DPRX: variants seen among roughly 807,000 people sequenced by gnomAD.
DPRX encodes divergent-paired related homeobox, also known as divergent paired-related homeobox.
DPRX carries 11 observed loss-of-function variants against 8.4 expected under a neutral mutation model. The ratio of observed to expected loss-of-function variants is 1.31; its 90% CI spans 0.82 to 2.17. The LOEUF (loss-of-function observed/expected upper bound fraction) is 2.17. Ranked by LOEUF, DPRX falls within the 30% of genes most tolerant of loss-of-function variation. The pLI is 0.00. For missense variants in DPRX, 211 were observed against 236.7 expected, an observed-to-expected ratio of 0.89 and a Z score of 0.71; for synonymous variants, 72 against 87.0, an observed-to-expected ratio of 0.83 and a Z score of 0.96.
chr19:53,616,558 C>G, the DPRX span, among the ~76,000 whole-genome samples: 1 of 152,110 alleles, frequency 6.6e-6, no homozygotes, highest in Non-Finnish European at 1.5e-5. Flanking sequence ...AGTTCGAGAC[C>G]AGCCTAACCA....
chr19:53,618,764 C>T, the DPRX span, among the ~76,000 whole-genome samples: 1 of 150,478 alleles, frequency 6.6e-6, no homozygotes, highest in Admixed American at 6.7e-5. Flanking sequence ...CTCACTGCAA[C>T]CTCCACCTCC....
chr19:53,608,551 G>A, the DPRX span: 1 of 152,464 alleles, frequency 6.6e-6, no homozygotes, highest in Admixed American at 6.6e-5. Context: ...CGCCTAAAGG[G>A]TGCAGGGTTT....
At chr19:53,634,649 G>A in exon 2 of DPRX, 1 of 1,613,924 alleles carries the variant, frequency 6.2e-7, no homozygotes, top group Non-Finnish European at 8.5e-7. Flanking sequence ...AGAAAGAAAT[G>A]GCCTCGAAAA....
chr19:53,612,344 C>T, the DPRX span, among the ~76,000 whole-genome samples: 15 of 152,084 alleles, frequency 9.9e-5, no homozygotes, highest in Non-Finnish European at 2.2e-4. Flanking sequence ...GATCCTACCA[C>T]TGCCTGGACA....
At chr19:53,634,321 C>T (rs960905572) in intron 1 of DPRX, among the ~76,000 whole-genome samples, 2 of 152,136 alleles carry the variant, frequency 1.3e-5, no homozygotes, top group Non-Finnish European at 2.9e-5. Context: ...ATCCCAGCTA[C>T]TCGGGAGGCT....
exon 3 of DPRX, chr19:53,636,943 T>C: frequency 1.2e-6 from 2 of 1,612,808 alleles, no homozygotes; most frequent in South Asian, 2.2e-5. Context: ...CAAGCTTCCA[T>C]TCTGGCTCTC....
chr19:53,632,254 AG>A lies in DPRX; in HGVS notation c.28+123del. On this transcript the variant is annotated intron_variant, in intron 1 of 2. Coordinates refer to ENST00000376650, the Ensembl canonical transcript of DPRX. ...CTGGTGCTTCGTCCACGTGGGTGGC[AG>A]GGACTTCCCACAGAGGCTGTCATCG... The A allele has an allele frequency of 6.3e-6, 8 of 1,266,384 alleles. No homozygotes were observed. In the South Asian group the frequency reaches 9.7e-5, roughly 15 times the overall value. 78.4% of individuals were successfully genotyped at this position (1,266,384 alleles called of 1,614,324 possible). A position where few individuals can be genotyped will look rare whatever the true frequency, so the allele number is the denominator to read the frequency against.
the DPRX span, among the ~76,000 whole-genome samples, chr19:53,605,377 ATT>A: frequency 2.8e-4 from 39 of 138,094 alleles, no homozygotes; most frequent in East Asian, 4.3e-4. Flanking sequence ...CACCCAGCTA[ATT>A]TTTTTTTTTT....
the DPRX span, among the ~76,000 whole-genome samples, chr19:53,620,148 C>T: frequency 4.6e-5 from 7 of 152,094 alleles, no homozygotes; most frequent in African/African-American, 1.7e-4. Flanking sequence ...CGCCTCACTG[C>T]AAGCTCCGCC....
At chr19:53,626,284 G>T in the DPRX span, among the ~76,000 whole-genome samples, 1 of 151,942 alleles carries the variant, frequency 6.6e-6, no homozygotes, top group African/African-American at 2.4e-5. Context: ...TCACCATGTT[G>T]GCTAGGCTGG....
chr19:53,634,733 C>A (rs1441503616), intron 2 of DPRX, 48 bp downstream of exon 2: 1 of 1,580,184 alleles, frequency 6.3e-7, no homozygotes, highest in Non-Finnish European at 8.6e-7. Flanking sequence ...CTGATCTAAT[C>A]TAAATTCAGA....
At chr19:53,619,454 C>T in the DPRX span, among the ~76,000 whole-genome samples, 1 of 152,058 alleles carries the variant, frequency 6.6e-6, no homozygotes, top group African/African-American at 2.4e-5. Context: ...ACGGGCGGAT[C>T]ACCTGAGGTT....
chr19:53,622,424 C>T, the DPRX span, among the ~76,000 whole-genome samples: 1 of 152,008 alleles, frequency 6.6e-6, no homozygotes, highest in Non-Finnish European at 1.5e-5. Flanking sequence ...ATCACTTGAG[C>T]CCAGAAGCGT....
the DPRX span, among the ~76,000 whole-genome samples, chr19:53,622,523 T>C: frequency 1.3e-5 from 2 of 152,160 alleles, no homozygotes; most frequent in South Asian, 2.1e-4. Flanking sequence ...ACTGTACTTT[T>C]ACAGGGCTGT....
the DPRX span, among the ~76,000 whole-genome samples, chr19:53,619,862 A>T: frequency 6.6e-6 from 1 of 151,302 alleles, no homozygotes. Context: ...CTCAAAAAAA[A>T]AAAAAAAAAA....
At chr19:53,633,562 T>G (rs1450833953) in intron 1 of DPRX, among the ~76,000 whole-genome samples, 2 of 151,966 alleles carry the variant, frequency 1.3e-5, no homozygotes, top group African/African-American at 4.8e-5. Context: ...CAGGCTGGAG[T>G]GCAGTGGCAT....
At chr19:53,625,122 GCAC>G in the DPRX span, among the ~76,000 whole-genome samples, 1 of 149,538 alleles carries the variant, frequency 6.7e-6, no homozygotes, top group Admixed American at 6.7e-5. Flanking sequence ...GAGTGCAGTG[GCAC>G]CACCATAGCT....
At chr19:53,603,137 G>A in the DPRX span, among the ~76,000 whole-genome samples, 1,749 of 150,398 alleles carry the variant, frequency 0.012, 35 homozygotes, top group African/African-American at 0.041. Flanking sequence ...CTGAAGCCTC[G>A]ACTGCCCAGG....
chr19:53,636,542 AGAAT>A, intron 2 of DPRX, 50 bp from the exon 3 acceptor site: 1 of 1,339,534 alleles, frequency 7.5e-7, no homozygotes, highest in Non-Finnish European at 9.6e-7. Context: ...TTTTAAAAAT[AGAAT>A]GACAAGTCAT....
Sources: gnomAD v4.1 joint callset for allele counts (sites outside exome capture counted in the v4.1 genomes callset) on GRCh38, gnomAD v4.1.1 for gene constraint, MANE v1.5 for transcripts, NCBI Gene and HGNC (gene_info 2026-07-23, HGNC 2026-07-21) for gene names.